CDH13: variants seen among roughly 807,000 people sequenced by gnomAD.
CDH13 encodes cadherin-13.
CDH13 carries 24 observed loss-of-function variants against 63.8 expected under a neutral mutation model. The observed-to-expected ratio is 0.38, with a 90% CI of 0.27 to 0.53. CDH13 has a LOEUF of 0.53. CDH13 is among the 20% of genes least tolerant of loss of function. The probability of loss-of-function intolerance (pLI) is 0.85; values close to 1 mark genes in which losing one functional copy is unlikely to be tolerated. For missense variants in CDH13, 1,049 were observed against 903.1 expected (o/e 1.16, Z -2.07); for synonymous variants, 503 against 355.3 (o/e 1.42, Z -4.67).
At chr16:83,532,111 G>T (rs1477845388) in intron 7 of CDH13, among the ~76,000 whole-genome samples, 2 of 152,126 alleles carry the variant, frequency 1.3e-5, no homozygotes, top group South Asian at 2.1e-4. Context: ...CTCTTCTCTT[G>T]TCTGCTGCCA....
chr16:83,125,715 G>A (rs2035778513), intron 4 of CDH13, among the ~76,000 whole-genome samples: 1 of 152,106 alleles, frequency 6.6e-6, no homozygotes, highest in South Asian at 2.1e-4. Context: ...GAATATTACG[G>A]GATCAACATG....
chr16:83,478,352 G>C (rs1251111796), intron 6 of CDH13, among the ~76,000 whole-genome samples: 1 of 152,144 alleles, frequency 6.6e-6, no homozygotes, highest in Admixed American at 6.5e-5. Flanking sequence ...GGCACTGGGT[G>C]AGTAGGTGAG....
At chr16:83,033,510 A>G (rs966146661) in intron 3 of CDH13, among the ~76,000 whole-genome samples, 1 of 152,150 alleles carries the variant, frequency 6.6e-6, no homozygotes, top group Non-Finnish European at 1.5e-5. Context: ...ATATGCGCAT[A>G]TACTGTGTAT....
intron 3 of CDH13, among the ~76,000 whole-genome samples, chr16:83,094,219 A>C (rs2034077717): frequency 6.6e-6 from 1 of 152,196 alleles, no homozygotes; most frequent in Admixed American, 6.5e-5. Flanking sequence ...TCTGTGCTGC[A>C]CGTGAAGATA....
At chr16:82,835,115 C>T (rs192302927) in intron 1 of CDH13, among the ~76,000 whole-genome samples, 62 of 152,286 alleles carry the variant, frequency 4.1e-4, no homozygotes, top group Admixed American at 9.1e-4. Flanking sequence ...ATCCCTGCAA[C>T]GTGTAGGTAA....
intron 2 of CDH13, among the ~76,000 whole-genome samples, chr16:83,005,074 G>A (rs922408022): frequency 2.0e-5 from 3 of 152,148 alleles, no homozygotes; most frequent in African/African-American, 7.2e-5. Flanking sequence ...CATGGCTATG[G>A]CCCGCTGCAA....
chr16:83,250,809 C>T (rs1378637784), intron 5 of CDH13, among the ~76,000 whole-genome samples: 2 of 152,216 alleles, frequency 1.3e-5, no homozygotes, highest in East Asian at 3.8e-4. Flanking sequence ...ACTTTCCCAT[C>T]TGTGCTTAGG....
At chr16:83,063,451 G>A (rs141847558) in intron 3 of CDH13, among the ~76,000 whole-genome samples, 1 of 152,148 alleles carries the variant, frequency 6.6e-6, no homozygotes, top group Non-Finnish European at 1.5e-5. Context: ...GGCAAGGAAT[G>A]TGCAGCCATT....
intron 3 of CDH13, among the ~76,000 whole-genome samples, chr16:83,077,663 C>T (rs954696373): frequency 1.3e-5 from 2 of 152,140 alleles, no homozygotes; most frequent in Non-Finnish European, 2.9e-5. Context: ...AATAAAATTG[C>T]TATAAAAACG....
intron 2 of CDH13, among the ~76,000 whole-genome samples, chr16:83,002,225 G>C (rs1913012871): frequency 6.6e-6 from 1 of 152,172 alleles, no homozygotes; most frequent in Non-Finnish European, 1.5e-5. Flanking sequence ...GGATTATCTG[G>C]GTGAGCCCTA....
At chr16:83,016,544 A>G (rs2151446286) in intron 2 of CDH13, among the ~76,000 whole-genome samples, 1 of 152,292 alleles carries the variant, frequency 6.6e-6, no homozygotes, top group Middle Eastern at 3.4e-3. Context: ...AAGGTGTGGA[A>G]GCTGGCCTTC....
chr16:83,370,008 G>A (rs917128490), intron 6 of CDH13, among the ~76,000 whole-genome samples: 1 of 152,142 alleles, frequency 6.6e-6, no homozygotes, highest in South Asian at 2.1e-4. Context: ...CATCTGAAAC[G>A]ATCTCCTCCA....
chr16:82,829,666 T>C (rs1047691557), intron 1 of CDH13: 4 of 152,266 alleles, frequency 2.6e-5, no homozygotes, highest in Middle Eastern at 3.4e-3. Flanking sequence ...TGTTTTACAT[T>C]GTTTGGTATG....
At chr16:83,081,721 A>ATAAAGAGAGAGAGAGAG (rs1567811569) in intron 3 of CDH13, among the ~76,000 whole-genome samples, 3 of 151,546 alleles carry the variant, frequency 2.0e-5, no homozygotes, top group Non-Finnish European at 4.4e-5. Flanking sequence ...GAGAGAGAGA[A>ATAAAGAGAGAGAGAGAG]AGAGCTCGCA....
chr16:82,895,261 T>G (rs539476647), intron 2 of CDH13, among the ~76,000 whole-genome samples: 76 of 152,226 alleles, frequency 5.0e-4, no homozygotes, highest in African/African-American at 1.8e-3. Flanking sequence ...CTCTAAAAAT[T>G]TACCTTTTTT....
chr16:82,814,620 T>A (rs2037611948), intron 1 of CDH13, among the ~76,000 whole-genome samples: 1 of 152,168 alleles, frequency 6.6e-6, no homozygotes, highest in Non-Finnish European at 1.5e-5. Context: ...CCTATGCATC[T>A]CTTGGTGTGA....
intron 1 of CDH13, among the ~76,000 whole-genome samples, chr16:82,631,348 G>A (rs1768184050): frequency 6.6e-6 from 1 of 152,188 alleles, no homozygotes. Context: ...TGTGGAAGGA[G>A]ATAACCTTCC....
chr16:82,825,023 T>G (rs1362997901), intron 1 of CDH13: 1 of 152,010 alleles, frequency 6.6e-6, no homozygotes, highest in Non-Finnish European at 1.5e-5. Context: ...GTGGAAGGGG[T>G]GAGTGGATGT....
chr16:82,910,295 G>A lies in CDH13; in HGVS notation c.157+51822G>A, dbSNP rs539575947. 6.0e-4 allele frequency among the ~76,000 whole-genome samples: 91 copies of A among 152,248 alleles called. No individual in the cohort carries two copies. The South Asian group carries it at 0.018, about 31-fold the overall frequency. On this transcript the variant is annotated intron_variant, in intron 2 of 13. Transcript: ENST00000567109. ...TATTCTGGCCGATACTCATAGCTAT[G>A]AGCAGCCTTGTACATGCTTCTCTCT...
Sources: allele counts gnomAD v4.1 joint callset (sites outside exome capture counted in the v4.1 genomes callset), GRCh38; gene constraint gnomAD v4.1.1; transcripts MANE v1.5; gene names NCBI Gene and HGNC (gene_info 2026-07-23, HGNC 2026-07-21).